The following ELMO1 variants were observed in gnomAD, a reference collection of about 807,000 sequenced individuals.
The protein encoded by ELMO1 is engulfment and cell motility protein 1.
A neutral mutation model predicts 98.9 loss-of-function variants in ELMO1; 26 were observed. The observed-to-expected ratio is 0.26, with a 90% CI of 0.19 to 0.36. The LOEUF (loss-of-function observed/expected upper bound fraction) is 0.36. Ranked by LOEUF, ELMO1 falls within the 10% of genes least tolerant of loss-of-function variation. The pLI is 1.00. For synonymous variants in ELMO1, 346 were observed against 346.0 expected (o/e 1.00, Z 0.00); for missense variants, 627 against 935.2 (o/e 0.67, Z 4.30).
chr7:37,168,795 A>C (rs202131852), intron 13 of ELMO1, among the ~76,000 whole-genome samples: 7 of 151,402 alleles, frequency 4.6e-5, no homozygotes, highest in Non-Finnish European at 8.9e-5. Context: ...GGGGTCAGGG[A>C]CCCACTTGAG....
intron 2 of ELMO1, among the ~76,000 whole-genome samples, chr7:37,323,146 G>A (rs967268760): frequency 3.3e-5 from 5 of 152,022 alleles, no homozygotes; most frequent in African/African-American, 9.7e-5. Flanking sequence ...AGTATATTCC[G>A]GGGAAATTTT....
rs748910312 is a variant in ELMO1 at position 37,271,856 on chromosome 7, A to G, written c.219T>C (p.Thr73=). ...CTGGAGATGTGGTTAATCGAAGGAT[A>G]GTGCCATTTTTTATCTCATTGCGGT... is the stretch of plus-strand genomic sequence containing the variant. ...EKNRNEIKNG[T]ILRLTTSPAQ... The change falls in exon 5 of 22, where the codon ACT becomes ACC. Residue 73 remains threonine (T), a synonymous_variant. Transcript: ENST00000310758. 7 of 1,614,050 alleles carry G rather than the reference A, an allele frequency of 4.3e-6. No individual in the cohort carries two copies. The highest frequency in any genetic ancestry group is 3.3e-5 in the South Asian group (3 of 90,996).
intron 2 of ELMO1, among the ~76,000 whole-genome samples, chr7:37,336,561 G>C (rs1562624832): frequency 6.6e-6 from 1 of 152,126 alleles, no homozygotes; most frequent in Admixed American, 6.5e-5. Flanking sequence ...TTAGCACTGA[G>C]GTTGGAACTG....
At chr7:37,436,216 C>T (rs1805137146) in intron 1 of ELMO1, among the ~76,000 whole-genome samples, 2 of 152,178 alleles carry the variant, frequency 1.3e-5, no homozygotes, top group Admixed American at 1.3e-4. Flanking sequence ...GGTCTTTAAA[C>T]ATATATTTAC....
At chr7:37,331,997 G>C (rs1341539596) in intron 2 of ELMO1, among the ~76,000 whole-genome samples, 1 of 152,174 alleles carries the variant, frequency 6.6e-6, no homozygotes, top group Admixed American at 6.5e-5. Flanking sequence ...TGTTTATACA[G>C]GTCAGGGTGG....
intron 16 of ELMO1, among the ~76,000 whole-genome samples, chr7:36,943,585 G>A (rs916324862): frequency 5.9e-5 from 9 of 152,334 alleles, no homozygotes; most frequent in South Asian, 4.1e-4. Flanking sequence ...ATAGAACCAT[G>A]TACAACTGCT....
rs189244437 is a variant in ELMO1, at chr7:37,317,394, T to C, written c.79-1434A>G. Among the ~76,000 whole-genome samples the C allele has an allele frequency of 1.6e-4, 25 of 152,338 alleles. No homozygotes were observed. In the East Asian group the frequency reaches 3.7e-3, roughly 22 times the overall value. On this transcript the variant is annotated intron_variant, in intron 2 of 21. Coordinates refer to ENST00000310758, the MANE Select transcript of ELMO1 (RefSeq NM_014800.11). ...CTTGGAGGTGTTTGTTGCAGCACTA[T>C]TCACAATATCCAAGATTTGAAAGCA...
chr7:37,073,813 C>T (rs909325289), intron 15 of ELMO1, among the ~76,000 whole-genome samples: 1 of 151,700 alleles, frequency 6.6e-6, no homozygotes, highest in Non-Finnish European at 1.5e-5. Flanking sequence ...GTCTTCTGGC[C>T]TCAAGAGACC....
chr7:37,248,284 T>A (rs1312340189), intron 6 of ELMO1, among the ~76,000 whole-genome samples: 1 of 152,114 alleles, frequency 6.6e-6, no homozygotes, highest in Non-Finnish European at 1.5e-5. Flanking sequence ...GGTTGATGTT[T>A]CACAGTGGCC....
At chr7:37,324,488 G>C (rs1243640278) in intron 2 of ELMO1, among the ~76,000 whole-genome samples, 1 of 152,202 alleles carries the variant, frequency 6.6e-6, no homozygotes, top group Non-Finnish European at 1.5e-5. Flanking sequence ...GTGGTATCAA[G>C]TGAACAGACA....
chr7:37,351,721 C>T (rs1477107161), intron 1 of ELMO1, among the ~76,000 whole-genome samples: 1 of 152,208 alleles, frequency 6.6e-6, no homozygotes, highest in Non-Finnish European at 1.5e-5. Context: ...AATATATCAA[C>T]CTAACCATAT....
At chr7:37,428,870 C>A (rs1804814350) in intron 1 of ELMO1, among the ~76,000 whole-genome samples, 1 of 152,192 alleles carries the variant, frequency 6.6e-6, no homozygotes, top group Non-Finnish European at 1.5e-5. Context: ...AAGAGGCAGT[C>A]TTGGCAGAGT....
At chr7:37,317,342 C>T (rs962210945) in intron 2 of ELMO1, among the ~76,000 whole-genome samples, 6 of 152,226 alleles carry the variant, frequency 3.9e-5, no homozygotes, top group Non-Finnish European at 5.9e-5. Flanking sequence ...AGAAGAATGT[C>T]TGTCTTCGCC....
chr7:37,058,997 C>CA (rs369350876), intron 15 of ELMO1, among the ~76,000 whole-genome samples: 10 of 152,270 alleles, frequency 6.6e-5, no homozygotes, highest in Middle Eastern at 6.8e-3. Context: ...ACACACGAGG[C>CA]ATCCCATTGG....
intron 16 of ELMO1, among the ~76,000 whole-genome samples, chr7:36,974,778 C>G (rs1329288272): frequency 6.6e-6 from 1 of 152,196 alleles, no homozygotes; most frequent in African/African-American, 2.4e-5. Flanking sequence ...CTCTTTAGGT[C>G]CACACTGCTT....
intron 7 of ELMO1, among the ~76,000 whole-genome samples, chr7:37,240,770 C>T (rs1307211845): frequency 3.9e-5 from 6 of 152,128 alleles, no homozygotes; most frequent in African/African-American, 1.2e-4. Flanking sequence ...TTCCAAACAT[C>T]CGAGGCTATT....
At chr7:37,297,533 A>G (rs1386902328) in intron 4 of ELMO1, among the ~76,000 whole-genome samples, 2 of 152,162 alleles carry the variant, frequency 1.3e-5, no homozygotes, top group South Asian at 2.1e-4. Flanking sequence ...TTCAACTTTT[A>G]TCAATAGTTT....
At chr7:37,036,448 G>T (rs1795179660) in intron 15 of ELMO1, among the ~76,000 whole-genome samples, 1 of 152,166 alleles carries the variant, frequency 6.6e-6, no homozygotes, top group Non-Finnish European at 1.5e-5. Flanking sequence ...TTGGCTTACT[G>T]CAGCCTTGAA....
chr7:37,323,943 T>TA (rs937680367), intron 2 of ELMO1, among the ~76,000 whole-genome samples: 18 of 152,136 alleles, frequency 1.2e-4, no homozygotes, highest in Admixed American at 3.9e-4. Flanking sequence ...CTTGATCTCT[T>TA]AAAAAAAATA....
Sources: allele counts gnomAD v4.1 joint callset (sites outside exome capture counted in the v4.1 genomes callset), GRCh38; gene constraint gnomAD v4.1.1; transcripts MANE v1.5; gene names NCBI Gene and HGNC (gene_info 2026-07-23, HGNC 2026-07-21).